TMEM237: variants seen among roughly 807,000 people sequenced by gnomAD.
TMEM237 encodes the protein transmembrane protein 237.
A neutral mutation model predicts 59.1 loss-of-function variants in TMEM237; 51 were observed. The observed-to-expected ratio is 0.86, with a 90% CI of 0.69 to 1.09. The LOEUF (loss-of-function observed/expected upper bound fraction) is 1.09, where lower values mean the gene tolerates loss of function less well. Ranked by LOEUF, TMEM237 falls within the 50% of genes least tolerant of loss-of-function variation. TMEM237 has a pLI of 0.00. For synonymous variants in TMEM237, 140 were observed against 166.1 expected, an observed-to-expected ratio of 0.84 and a Z score of 1.21; for missense variants, 475 against 478.3, an observed-to-expected ratio of 0.99 and a Z score of 0.06.
Position 201,620,720 on chromosome 2 carries a change from G to C in TMEM237, c.*3535C>G, listed in dbSNP as rs900078116. On this transcript the variant is annotated 3_prime_UTR_variant, in exon 13 of 13. Coordinates refer to ENST00000409883, the MANE Select transcript of TMEM237 (RefSeq NM_001044385.3). ...CAGGTTGTGATGGCCTTTGTGCAAG[G>C]TGTGGTTTTGTGCAGTCTTTTAATG... is the stretch of plus-strand genomic sequence containing the variant. The C allele has an allele frequency of 6.6e-6, 1 of 152,200 alleles. No homozygotes were observed. The highest frequency in any genetic ancestry group is 1.5e-5 in the Non-Finnish European group (1 of 68,056). The allele number at this position is 152,200 out of a possible 1,614,324, so 9.4% of individuals were successfully genotyped here.
chr2:201,636,552 T>C lies in TMEM237; in HGVS notation c.274+196A>G, dbSNP rs534168687. On this transcript the variant is annotated intron_variant, in intron 5 of 12. Transcript: ENST00000409883. ...GCCCTCCTCTCATAATCTATACATA[T>C]ATGATCAAAAGAGACCTGTAAAGTA... 2.3e-5 allele frequency: 14 copies of C among 595,884 alleles called. No homozygotes were observed. The South Asian group carries it at 2.8e-4, about 12-fold the overall frequency. The allele number at this position is 595,884 out of a possible 1,614,324, so 36.9% of individuals were successfully genotyped here.
In TMEM237 at chr2:201,632,918, C is replaced by A. The variant is rs368479623; in HGVS notation, c.395+393G>T. On this transcript the variant is annotated intron_variant, in intron 6 of 12. Transcript: ENST00000409883. ...ACTCATTTTATCTTAATGCTAAAAC[C>A]CAGTTTTACTTATTCCTAAAATAAT... is the stretch of plus-strand genomic sequence containing the variant. Among the ~76,000 whole-genome samples, 293 of 152,150 alleles carry A rather than the reference C, an allele frequency of 1.9e-3. 1 individual carries two copies. The highest frequency in any genetic ancestry group is 6.5e-3 in the African/African-American group (271 of 41,510).
At position 201,623,180 on chromosome 2, in the gene TMEM237, T is replaced by G. The variant is rs556545833; in HGVS notation, c.*1075A>C. 1 of 373,836 alleles carries G rather than the reference T, an allele frequency of 2.7e-6. No homozygotes were observed. The highest frequency in any genetic ancestry group is 7.6e-5 in the East Asian group (1 of 13,130). The allele number at this position is 373,836 out of a possible 1,614,324, so 23.2% of individuals were successfully genotyped here. A position where few individuals can be genotyped will look rare whatever the true frequency, so the allele number is the denominator to read the frequency against. On this transcript the variant is annotated 3_prime_UTR_variant, in exon 13 of 13. Coordinates refer to ENST00000409883, the MANE Select transcript of TMEM237 (RefSeq NM_001044385.3). ...TCATCAATTTGTCAATCCTCTTCTG[T>G]TCTATAACATTCAGGTGCTTGCTAA...
Position 201,629,832 on chromosome 2 carries a change from G to A in TMEM237, c.574C>T (p.Arg192Cys), listed in dbSNP as rs202092408. 1.7e-5 allele frequency: 28 copies of A among 1,612,324 alleles called. No homozygotes were observed. The Admixed American group carries it at 2.4e-4, about 14-fold the overall frequency. ...TCTGTGGTCTTTATCAACTCTGAAC[G>A]ATCAGCAGCCTGGAATCTCCCTAAG... is the stretch of plus-strand genomic sequence containing the variant. Reference protein sequence around the residue: ...EKSRRFQAADRSELIKTTENI... With the variant: ...EKSRRFQAADCSELIKTTENI... Residue 192 changes from arginine to cysteine, a missense_variant, in exon 8 of 13, where the codon CGT (arginine) becomes TGT (cysteine). Coordinates refer to ENST00000409883, the MANE Select transcript of TMEM237 (RefSeq NM_001044385.3).
intron 12 of TMEM237, 60 bp downstream of exon 12, chr2:201,625,966 T>C (rs1957754809): frequency 1.3e-6 from 2 of 1,502,904 alleles, no homozygotes; most frequent in Non-Finnish European, 1.8e-6. Context: ...TAAAAGGAGG[T>C]TTATAAAACC....
chr2:201,628,595 T>C (rs1269732473), intron 9 of TMEM237, among the ~76,000 whole-genome samples: 1 of 152,154 alleles, frequency 6.6e-6, no homozygotes, highest in African/African-American at 2.4e-5. Flanking sequence ...TAAGATAAGG[T>C]CATTAGGATG....
rs548281584 is a variant in TMEM237 at position 201,621,528 on chromosome 2, T to C, written c.*2727A>G. 1 of 152,352 alleles carries C rather than the reference T, an allele frequency of 6.6e-6. No individual in the cohort carries two copies. 9.4% of individuals were successfully genotyped at this position (152,352 alleles called of 1,614,324 possible). A position where few individuals can be genotyped will look rare whatever the true frequency, so the allele number is the denominator to read the frequency against. On this transcript the variant is annotated 3_prime_UTR_variant, in exon 13 of 13. Transcript: ENST00000409883. Reference sequence around the variant, plus strand: ...CAAAACAGTAAAAGGAAATGAACTATTGATACACACAACAGCTGAGATGAC... The same window carrying C: ...CAAAACAGTAAAAGGAAATGAACTACTGATACACACAACAGCTGAGATGAC...
At position 201,635,667 on chromosome 2, in the gene TMEM237, C is replaced by T. The variant is rs1404523989; in HGVS notation, c.274+1081G>A. Among the ~76,000 whole-genome samples, 1 of 151,612 alleles carries T rather than the reference C, an allele frequency of 6.6e-6. No individual in the cohort carries two copies. The highest frequency in any genetic ancestry group is 1.5e-5 in the Non-Finnish European group (1 of 67,972). On this transcript the variant is annotated intron_variant, in intron 5 of 12. Transcript: ENST00000409883. The surrounding 1 kb of genome is among the most constrained non-coding windows in gnomAD (Gnocchi z 4.5). ...ATCCCAGCTACTCAGGAGGCCGAGGCAGGAGAATCGCTTGTACCCGGGAGG... is the reference window on the plus strand; with the variant it reads ...ATCCCAGCTACTCAGGAGGCCGAGGTAGGAGAATCGCTTGTACCCGGGAGG...
At chr2:201,629,125 T>C (rs936492730) in intron 9 of TMEM237, 105 bp downstream of exon 9, 16 of 903,120 alleles carry the variant, frequency 1.8e-5, no homozygotes, top group Non-Finnish European at 2.3e-5. Flanking sequence ...TGAAGTAACA[T>C]TGATACTCTA....
chr2:201,638,252 G>GTTGT lies in TMEM237; in HGVS notation c.136+733_136+736dup, dbSNP rs368407382. On this transcript the variant is annotated intron_variant, in intron 4 of 12. Coordinates refer to ENST00000409883, the MANE Select transcript of TMEM237 (RefSeq NM_001044385.3). The stretch of plus-strand genomic sequence containing the variant: ...GTATGATTCCTTTTATGTTTTTGTT[G>GTTGT]TTGTTTGTTTGTTTTAAAAAAGGAG... Among the ~76,000 whole-genome samples the GTTGT allele has an allele frequency of 2.2e-3, 328 of 152,274 alleles. 1 individual carries two copies. Among genetic ancestry groups the GTTGT allele is most frequent in the African/African-American group, 7.3e-3 (302 of 41,562 alleles).
intron 11 of TMEM237, among the ~76,000 whole-genome samples, chr2:201,626,925 C>G (rs1371127774): frequency 6.6e-6 from 1 of 151,990 alleles, no homozygotes; most frequent in Non-Finnish European, 1.5e-5. Flanking sequence ...TACAAAAATA[C>G]AAAAATTAGC....
chr2:201,628,299 A>C (rs975521578), intron 9 of TMEM237, 150 bp from the exon 10 acceptor site: 1 of 500,744 alleles, frequency 2.0e-6, no homozygotes. Context: ...CTTAACACGC[A>C]TGACAAAATT....
chr2:201,639,171 A>G, intron 3 of TMEM237, 126 bp from the exon 4 acceptor site: 1 of 845,216 alleles, frequency 1.2e-6, no homozygotes, highest in Non-Finnish European at 1.8e-6. Flanking sequence ...AAACGTTTAT[A>G]GATTAGGGGA....
Position 201,632,302 on chromosome 2 carries a change from CTGGACT to C in TMEM237, c.396-100_396-95del, listed in dbSNP as rs1243477864. ...AGCTATAAATATAATGGAAAGGGCCCTGGACTTGGAGTTAAGAAATGTGGTTTTTAC... is the reference window on the plus strand; with the variant it reads ...AGCTATAAATATAATGGAAAGGGCCCTGGAGTTAAGAAATGTGGTTTTTAC... On this transcript the variant is annotated intron_variant, in intron 6 of 12. Transcript: ENST00000409883. 5 of 1,368,366 alleles carry C rather than the reference CTGGACT, an allele frequency of 3.7e-6. No individual in the cohort carries two copies. In the East Asian group the frequency reaches 1.2e-4, roughly 32 times the overall value. 84.8% of individuals were successfully genotyped at this position (1,368,366 alleles called of 1,614,324 possible). A position where few individuals can be genotyped will look rare whatever the true frequency, so the allele number is the denominator to read the frequency against.
chr2:201,642,628 C>A (rs761715650), intron 1 of TMEM237: 1 of 1,608,936 alleles, frequency 6.2e-7, no homozygotes, highest in South Asian at 1.1e-5. Flanking sequence ...CTTCCCCATT[C>A]TGCGTTTAGC....
At chr2:201,634,012 G>A (rs1412259680) in intron 5 of TMEM237, among the ~76,000 whole-genome samples, 3 of 152,180 alleles carry the variant, frequency 2.0e-5, no homozygotes, top group African/African-American at 4.8e-5. Context: ...CTGGATGCCC[G>A]GAAGGGAAAC....
chr2:201,641,655 A>AAT (rs10673015), intron 1 of TMEM237, among the ~76,000 whole-genome samples: 75,980 of 149,864 alleles, frequency 0.51, 19,340 homozygotes, highest in East Asian at 0.68. Context: ...TGTACGATAA[A>AAT]ATATATTTAT....
rs763706072 is a variant in TMEM237 at position 201,629,822 on chromosome 2, A to G, written c.584T>C (p.Leu195Ser). 1 of 1,613,188 alleles carries G rather than the reference A, an allele frequency of 6.2e-7. No individual in the cohort carries two copies. The change falls in exon 8 of 13, where the codon TTG becomes TCG. Residue 195 changes from leucine (L) to serine (S), a missense_variant. By Grantham distance (145) the Leu-to-Ser change is moderately radical. Coordinates refer to ENST00000409883, the MANE Select transcript of TMEM237 (RefSeq NM_001044385.3). Reference sequence around the variant, plus strand: ...ATCTATGTTTTCTGTGGTCTTTATCAACTCTGAACGATCAGCAGCCTGGAA... The same window carrying G: ...ATCTATGTTTTCTGTGGTCTTTATCGACTCTGAACGATCAGCAGCCTGGAA... ...RRFQAADRSELIKTTENIDVS... is the reference protein window; with the variant it reads ...RRFQAADRSESIKTTENIDVS...
intron 4 of TMEM237, among the ~76,000 whole-genome samples, chr2:201,638,261 T>C (rs1423599226): frequency 1.3e-5 from 2 of 152,190 alleles, no homozygotes; most frequent in Admixed American, 6.5e-5. Flanking sequence ...TGTTGTTTGT[T>C]TGTTTTAAAA....
Sources: gnomAD v4.1 joint callset for allele counts (sites outside exome capture counted in the v4.1 genomes callset) on GRCh38, gnomAD v4.1.1 for gene constraint, Gnocchi (gnomAD v3.1) non-coding constraint, MANE v1.5 for transcripts, NCBI Gene and HGNC (gene_info 2026-07-23, HGNC 2026-07-21) for gene names.